ALK: variants seen among roughly 807,000 people sequenced by gnomAD.
The protein encoded by ALK is ALK receptor tyrosine kinase.
ALK carries 74 observed loss-of-function variants against 163.1 expected under a neutral mutation model. That is an observed-to-expected ratio of 0.45 (90% CI 0.38 to 0.55). The LOEUF (loss-of-function observed/expected upper bound fraction) is 0.55, where lower values mean the gene tolerates loss of function less well. Ranked by LOEUF, ALK falls within the 20% of genes least tolerant of loss-of-function variation. The pLI is 0.00. For synonymous variants in ALK, 960 were observed against 843.2 expected, an observed-to-expected ratio of 1.14 and a Z score of -2.40; for missense variants, 2,063 against 2,105.3, an observed-to-expected ratio of 0.98 and a Z score of 0.39.
chr2:29,563,419 T>TC (rs1674082409), intron 3 of ALK, among the ~76,000 whole-genome samples: 1 of 152,094 alleles, frequency 6.6e-6, no homozygotes, highest in South Asian at 2.1e-4. Context: ...TTGAGAATAT[T>TC]AATAAAAAAG....
intron 3 of ALK, among the ~76,000 whole-genome samples, chr2:29,591,773 T>C (rs1436175847): frequency 6.6e-6 from 1 of 150,998 alleles, no homozygotes; most frequent in East Asian, 2.0e-4. Flanking sequence ...TATGAAGTCC[T>C]GGTCACGTAG....
intron 1 of ALK, among the ~76,000 whole-genome samples, chr2:29,802,777 CTT>C (rs376874161): frequency 2.9e-5 from 4 of 140,284 alleles, no homozygotes; most frequent in African/African-American, 2.7e-5. Context: ...GACTGGAACT[CTT>C]TTTTTTTTTT....
intron 2 of ALK, among the ~76,000 whole-genome samples, chr2:29,695,763 A>G (rs1404417738): frequency 1.3e-5 from 2 of 152,266 alleles, no homozygotes; most frequent in Non-Finnish European, 2.9e-5. Context: ...CATATGAAAA[A>G]AAGCTCATCA....
chr2:29,895,154 G>C (rs1336571230), intron 1 of ALK, among the ~76,000 whole-genome samples: 1 of 152,118 alleles, frequency 6.6e-6, no homozygotes. Context: ...ATTTGGATTT[G>C]GCAAGTTACA....
chr2:29,550,426 G>A (rs1449342055), intron 3 of ALK, among the ~76,000 whole-genome samples: 1 of 152,078 alleles, frequency 6.6e-6, no homozygotes, highest in Non-Finnish European at 1.5e-5. Flanking sequence ...ATGGTATATT[G>A]CTTTTATTTC....
chr2:29,645,022 G>C (rs1339768397), intron 3 of ALK, among the ~76,000 whole-genome samples: 22 of 152,114 alleles, frequency 1.4e-4, no homozygotes. Context: ...GGAGGCCTTG[G>C]AGATGTCCCA....
At chr2:29,807,212 C>T (rs1664640947) in intron 1 of ALK, among the ~76,000 whole-genome samples, 1 of 152,186 alleles carries the variant, frequency 6.6e-6, no homozygotes. Context: ...ATCTGTTATT[C>T]TCGCCCCTGT....
intron 4 of ALK, among the ~76,000 whole-genome samples, chr2:29,388,604 T>C (rs1269067415): frequency 6.6e-6 from 1 of 152,224 alleles, no homozygotes; most frequent in African/African-American, 2.4e-5. Context: ...GCTGGATTGT[T>C]GTAAGGATTT....
chr2:29,773,858 G>A (rs924589188), intron 1 of ALK, among the ~76,000 whole-genome samples: 2 of 152,196 alleles, frequency 1.3e-5, no homozygotes, highest in African/African-American at 2.4e-5. Flanking sequence ...CTCTGAAGAC[G>A]TCTTTAATGT....
chr2:29,221,737 G>A (rs1356893708), intron 22 of ALK, among the ~76,000 whole-genome samples: 6 of 152,184 alleles, frequency 3.9e-5, no homozygotes, highest in Non-Finnish European at 5.9e-5. Context: ...CTGTCAGGAC[G>A]TTCAGAGTCT....
chr2:29,267,917 T>C (rs889666755), intron 11 of ALK, among the ~76,000 whole-genome samples: 1 of 152,200 alleles, frequency 6.6e-6, no homozygotes, highest in Non-Finnish European at 1.5e-5. Context: ...GGGGCCTTTG[T>C]GTTCTGTTAG....
intron 1 of ALK, among the ~76,000 whole-genome samples, chr2:29,758,984 GCAATCCA>G (rs1321872119): frequency 6.6e-6 from 1 of 151,368 alleles, no homozygotes; most frequent in Non-Finnish European, 1.5e-5. Flanking sequence ...TTTTTTTTCT[GCAATCCA>G]CAATCCACAC....
intron 4 of ALK, among the ~76,000 whole-genome samples, chr2:29,507,881 T>C (rs1043274724): frequency 6.6e-6 from 1 of 152,168 alleles, no homozygotes; most frequent in Non-Finnish European, 1.5e-5. Flanking sequence ...CTGATCATAA[T>C]CAGTTATCTT....
intron 1 of ALK, among the ~76,000 whole-genome samples, chr2:29,875,645 G>A (rs146469617): frequency 0.014 from 2,157 of 152,088 alleles, 40 homozygotes; most frequent in African/African-American, 0.043. Flanking sequence ...ATGTGTTCTC[G>A]TTGTTCAATT....
At chr2:29,314,899 C>A (rs1040438424) in intron 8 of ALK, among the ~76,000 whole-genome samples, 5 of 152,122 alleles carry the variant, frequency 3.3e-5, no homozygotes, top group Non-Finnish European at 7.4e-5. Flanking sequence ...GGCTGCAATG[C>A]CAGACACATC....
intron 4 of ALK, among the ~76,000 whole-genome samples, chr2:29,412,553 T>C (rs1472118555): frequency 6.6e-6 from 1 of 152,186 alleles, no homozygotes; most frequent in Non-Finnish European, 1.5e-5. Context: ...TAGGGAGGTT[T>C]CAACCATATT....
chr2:29,758,263 G>A, intron 1 of ALK, among the ~76,000 whole-genome samples: 1 of 152,070 alleles, frequency 6.6e-6, no homozygotes, highest in East Asian at 1.9e-4. Context: ...GCCTGCCTCA[G>A]CCTCTCAAGG....
chr2:29,622,768 C>G (rs907041322), intron 3 of ALK, among the ~76,000 whole-genome samples: 5 of 152,122 alleles, frequency 3.3e-5, no homozygotes, highest in African/African-American at 1.2e-4. Context: ...ATGGAACAAC[C>G]CTCCATCCCT....
At position 29,292,308 on chromosome 2, in the gene ALK, G is replaced by T. The variant is rs182666277; in HGVS notation, c.1817+4580C>A. Among the ~76,000 whole-genome samples the T allele has an allele frequency of 1.5e-4, 23 of 152,312 alleles. No homozygotes were observed. In the East Asian group the frequency reaches 3.9e-3, roughly 26 times the overall value. On this transcript the variant is annotated intron_variant, in intron 9 of 28. Coordinates refer to ENST00000389048, the MANE Select transcript of ALK (RefSeq NM_004304.5). Reference sequence around the variant, plus strand: ...TCCATCTCATAACGAGTTGAACTTAGCATGGCTTCTGCTCTGTAAGCGTGT... The same window carrying T: ...TCCATCTCATAACGAGTTGAACTTATCATGGCTTCTGCTCTGTAAGCGTGT...
Sources: gnomAD v4.1 joint callset for allele counts (sites outside exome capture counted in the v4.1 genomes callset) on GRCh38, gnomAD v4.1.1 for gene constraint, MANE v1.5 for transcripts, NCBI Gene and HGNC (gene_info 2026-07-23, HGNC 2026-07-21) for gene names.